NRIP3: variants seen among roughly 807,000 people sequenced by gnomAD.
NRIP3 encodes the protein nuclear receptor interacting protein 3.
Under a neutral mutation model 29.0 loss-of-function variants are expected in NRIP3, and 31 were observed. That is an observed-to-expected ratio of 1.07 (90% CI 0.80 to 1.44). NRIP3 has a LOEUF of 1.44. Among genes scored for constraint, NRIP3 ranks in the 40% most tolerant of loss-of-function variants. NRIP3 has a pLI of 0.00. For missense variants in NRIP3, 314 were observed against 297.9 expected, an observed-to-expected ratio of 1.05 and a Z score of -0.40; for synonymous variants, 131 against 118.3, an observed-to-expected ratio of 1.11 and a Z score of -0.70.
At chr11:8,997,772 T>G (rs531184877) in intron 1 of NRIP3, among the ~76,000 whole-genome samples, 1 of 152,340 alleles carries the variant, frequency 6.6e-6, no homozygotes, top group East Asian at 1.9e-4. Context: ...CAGACTATAG[T>G]GCAGGATACC....
At chr11:8,987,516 C>A in intron 3 of NRIP3, 32 bp downstream of exon 3, 1 of 1,476,672 alleles carries the variant, frequency 6.8e-7, no homozygotes. Context: ...ACAGTCACAT[C>A]TAAGTTCCAC....
chr11:8,982,829 C>CTTTT lies in NRIP3; in HGVS notation c.*712_*715dup, dbSNP rs35481824. 4 of 285,888 alleles carry CTTTT rather than the reference C, an allele frequency of 1.4e-5. No individual in the cohort carries two copies. The highest frequency in any genetic ancestry group is 1.0e-4 in the East Asian group (1 of 9,854). The allele number at this position is 285,888 out of a possible 1,614,324, so 17.7% of individuals were successfully genotyped here. ...AGAGAATATTCCTCCCATGCTCTGC[C>CTTTT]TTTTTTTTTTTTTTTTTAACACATT... On this transcript the variant is annotated 3_prime_UTR_variant, in exon 7 of 7. Coordinates refer to ENST00000309166, the MANE Select transcript of NRIP3 (RefSeq NM_020645.3).
At position 8,983,344 on chromosome 11, in the gene NRIP3, A is replaced by G. The variant is rs1854452611; in HGVS notation, c.*201T>C. ...TTAAGTGATCAAAGTAGTAAAAAAC[A>G]ATGGCCATAACCAGACAAGATCTCT... On this transcript the variant is annotated 3_prime_UTR_variant, in exon 7 of 7. Transcript: ENST00000309166. The G allele has an allele frequency of 1.2e-5, 7 of 593,822 alleles. No homozygotes were observed. In the South Asian group the frequency reaches 1.6e-4, roughly 13 times the overall value. 36.8% of individuals were successfully genotyped at this position (593,822 alleles called of 1,614,324 possible).
intron 2 of NRIP3, 126 bp downstream of exon 2, chr11:8,987,992 C>G: frequency 1.2e-6 from 1 of 816,898 alleles, no homozygotes; most frequent in Non-Finnish European, 2.0e-6. Flanking sequence ...TCCAGTGTTG[C>G]ATGGAGTGCC....
chr11:8,988,861 G>A (rs2134913657), intron 1 of NRIP3, among the ~76,000 whole-genome samples: 1 of 152,314 alleles, frequency 6.6e-6, no homozygotes, highest in African/African-American at 2.4e-5. Context: ...TGGGTGGATA[G>A]GGTGAAAAGA....
chr11:8,985,914 C>T, intron 3 of NRIP3, 64 bp from the exon 4 acceptor site: 1 of 1,562,256 alleles, frequency 6.4e-7, no homozygotes, highest in Non-Finnish European at 8.8e-7. Context: ...TCCTGCAATG[C>T]CTACCTTCTG....
At chr11:8,985,957 G>A in intron 3 of NRIP3, 107 bp from the exon 4 acceptor site, 1 of 1,339,802 alleles carries the variant, frequency 7.5e-7, no homozygotes, top group African/African-American at 1.4e-5. Flanking sequence ...GGATCTCCTG[G>A]GATTAATCTA....
At chr11:9,004,099 G>T, upstream of NRIP3, 1 of 529,810 alleles carries the variant, frequency 1.9e-6, no homozygotes, top group Non-Finnish European at 2.9e-6. Context: ...CAGAGTCCAC[G>T]CCCCGCGCGG....
chr11:9,002,534 T>TTG (rs1854824451), intron 1 of NRIP3, among the ~76,000 whole-genome samples: 1 of 151,260 alleles, frequency 6.6e-6, no homozygotes, highest in Non-Finnish European at 1.5e-5. Flanking sequence ...AGAAAAATTT[T>TTG]TGTATATTAT....
chr11:8,980,652 A>T lies in NRIP3; in HGVS notation c.*2893T>A, dbSNP rs1854399289. ...ACACAGCCAGAAACACTGAAAGGAT[A>T]AAGTGCCAATGCAGAGAGGCCTGGC... On this transcript the variant is annotated 3_prime_UTR_variant, in exon 7 of 7. Coordinates refer to ENST00000309166, the MANE Select transcript of NRIP3 (RefSeq NM_020645.3). 6.6e-6 allele frequency: 1 copy of T among 152,258 alleles called. No homozygotes were observed. The highest frequency in any genetic ancestry group is 1.5e-5 in the Non-Finnish European group (1 of 68,066). The allele number at this position is 152,258 out of a possible 1,614,324, so 9.4% of individuals were successfully genotyped here.
chr11:8,995,379 G>A (rs1308027392), intron 1 of NRIP3, among the ~76,000 whole-genome samples: 1 of 152,122 alleles, frequency 6.6e-6, no homozygotes, highest in African/African-American at 2.4e-5. Flanking sequence ...AGTCATAAAG[G>A]AGGTTTGAAC....
At position 8,984,137 on chromosome 11, in the gene NRIP3, A is replaced by G; in HGVS notation, c.563-13T>C. 6.3e-7 allele frequency: 1 copy of G among 1,594,346 alleles called. No homozygotes were observed. Among genetic ancestry groups the G allele is most frequent in the Non-Finnish European group, 8.6e-7 (1 of 1,162,110 alleles). ...TTCTCATTGTCATCTAATAAAAACA[A>G]AAAAATGATTAAGATTTAGCCATTT... On this transcript the variant is annotated splice_polypyrimidine_tract_variant and intron_variant, in intron 4 of 6. Transcript: ENST00000309166.
chr11:8,988,059 A>G (rs907835723), intron 2 of NRIP3, 59 bp downstream of exon 2: 4 of 1,527,572 alleles, frequency 2.6e-6, no homozygotes, highest in Non-Finnish European at 3.6e-6. Context: ...AGTCAGGAGG[A>G]GAGGGCCCCA....
At chr11:8,988,050 G>T in intron 2 of NRIP3, 68 bp downstream of exon 2, 1 of 1,481,978 alleles carries the variant, frequency 6.7e-7, no homozygotes, top group Non-Finnish European at 9.3e-7. Context: ...ACTCTATAAA[G>T]TCAGGAGGAG....
At chr11:8,993,855 A>G (rs4370967) in intron 1 of NRIP3, among the ~76,000 whole-genome samples, 48,290 of 150,270 alleles carry the variant, frequency 0.32, 7,974 homozygotes, top group Middle Eastern at 0.44. Context: ...TAGTGATGAA[A>G]ACAGTTAATT....
intron 1 of NRIP3, among the ~76,000 whole-genome samples, chr11:8,999,038 C>T (rs1333640760): frequency 2.0e-5 from 3 of 152,078 alleles, no homozygotes; most frequent in Non-Finnish European, 2.9e-5. Context: ...CTCCTAACCT[C>T]GTGACCTGCC....
intron 4 of NRIP3, 85 bp from the exon 5 acceptor site, chr11:8,984,209 T>C (rs546646196): frequency 2.4e-6 from 2 of 829,464 alleles, no homozygotes; most frequent in African/African-American, 1.7e-5. Flanking sequence ...GTTCCATCCA[T>C]CCATCCAATA....
rs755386436 is a variant in NRIP3, at chr11:8,987,668, G to A, written c.340-38C>T. ...AATGTACTGTTCAATAAGAGCCAGAGAAGCGAAAGGGAAAGGAGATGCAGA... is the reference window on the plus strand; with the variant it reads ...AATGTACTGTTCAATAAGAGCCAGAAAAGCGAAAGGGAAAGGAGATGCAGA... On this transcript the variant is annotated intron_variant, in intron 2 of 6. Coordinates refer to ENST00000309166, the MANE Select transcript of NRIP3 (RefSeq NM_020645.3). 7 of 1,503,838 alleles carry A rather than the reference G, an allele frequency of 4.7e-6. No homozygotes were observed. The African/African-American group carries it at 8.3e-5, about 18-fold the overall frequency. 93.2% of individuals were successfully genotyped at this position (1,503,838 alleles called of 1,614,324 possible).
chr11:8,988,511 T>A (rs1018397471), intron 1 of NRIP3, among the ~76,000 whole-genome samples: 2 of 152,106 alleles, frequency 1.3e-5, no homozygotes, highest in Non-Finnish European at 2.9e-5. Flanking sequence ...GATATGACAC[T>A]GGGAAATGTG....
Sources: gnomAD v4.1 joint callset for allele counts (sites outside exome capture counted in the v4.1 genomes callset) on GRCh38, gnomAD v4.1.1 for gene constraint, MANE v1.5 for transcripts, NCBI Gene and HGNC (gene_info 2026-07-23, HGNC 2026-07-21) for gene names.